ARB2A: variants seen among roughly 807,000 people sequenced by gnomAD.
The protein encoded by ARB2A is ARB2 cotranscriptional regulator A, also known as cotranscriptional regulator ARB2A.
At chr5:94,085,014 C>A in the ARB2A span, among the ~76,000 whole-genome samples, 6 of 152,022 alleles carry the variant, frequency 3.9e-5, no homozygotes, top group East Asian at 1.2e-3. Context: ...AGAAGTCCGA[C>A]AATACCAAAA....
the ARB2A span, among the ~76,000 whole-genome samples, chr5:93,929,445 G>GA: frequency 2.0e-5 from 3 of 152,014 alleles, no homozygotes; most frequent in Admixed American, 2.0e-4. Flanking sequence ...CAAGAGACTA[G>GA]AAAAAACAAG....
chr5:93,982,708 G>A, the ARB2A span, among the ~76,000 whole-genome samples: 8 of 152,106 alleles, frequency 5.3e-5, no homozygotes, highest in Admixed American at 2.0e-4. Flanking sequence ...GTATGATACC[G>A]TACTAAATAC....
the ARB2A span, chr5:94,055,999 G>T: frequency 1.3e-6 from 1 of 765,414 alleles, no homozygotes; most frequent in Non-Finnish European, 1.6e-6. Context: ...CTATGAAATA[G>T]TAACAAGTAT....
chr5:93,874,708 G>A, the ARB2A span, among the ~76,000 whole-genome samples: 9 of 152,118 alleles, frequency 5.9e-5, no homozygotes, highest in African/African-American at 1.9e-4. Context: ...GCTCCTCCAG[G>A]ACTTGTGACT....
At chr5:93,960,845 A>G in the ARB2A span, among the ~76,000 whole-genome samples, 26 of 152,316 alleles carry the variant, frequency 1.7e-4, no homozygotes, top group African/African-American at 6.0e-4. Flanking sequence ...ATGAAGTGTA[A>G]CACAATCATA....
the ARB2A span, among the ~76,000 whole-genome samples, chr5:93,689,848 T>C: frequency 2.6e-5 from 4 of 152,052 alleles, no homozygotes; most frequent in South Asian, 8.3e-4. Flanking sequence ...CATTTCCAAC[T>C]TTGGTACCCA....
chr5:93,995,209 A>G, the ARB2A span, among the ~76,000 whole-genome samples: 3 of 152,214 alleles, frequency 2.0e-5, no homozygotes, highest in African/African-American at 7.2e-5. Context: ...CAGTAAGCTC[A>G]CGTGTTGTGA....
chr5:93,971,401 C>A, the ARB2A span, among the ~76,000 whole-genome samples: 2 of 151,978 alleles, frequency 1.3e-5, no homozygotes, highest in South Asian at 4.2e-4. Context: ...AACCCTGTCT[C>A]TACTAAAAAT....
the ARB2A span, among the ~76,000 whole-genome samples, chr5:93,857,391 G>C: frequency 6.6e-6 from 1 of 152,172 alleles, no homozygotes; most frequent in Non-Finnish European, 1.5e-5. Context: ...CCCAGAGATG[G>C]AGCCTACAGA....
At chr5:93,944,158 A>G in the ARB2A span, among the ~76,000 whole-genome samples, 37 of 152,306 alleles carry the variant, frequency 2.4e-4, no homozygotes, top group African/African-American at 8.9e-4. Context: ...TTACTTTAAC[A>G]TTATTTGTTT....
chr5:94,103,345 CAA>C, the ARB2A span, among the ~76,000 whole-genome samples: 25 of 151,800 alleles, frequency 1.6e-4, no homozygotes, highest in Non-Finnish European at 7.4e-5. Context: ...AAACAGAAAA[CAA>C]AAAAGAGACA....
the ARB2A span, among the ~76,000 whole-genome samples, chr5:94,032,655 C>T: frequency 1.2e-4 from 19 of 152,194 alleles, no homozygotes; most frequent in Non-Finnish European, 8.8e-5. Context: ...GCGCTCCACC[C>T]AGCAAAGTCA....
chr5:93,646,423 G>A, the ARB2A span, among the ~76,000 whole-genome samples: 1 of 80,206 alleles, frequency 1.2e-5, no homozygotes, highest in Non-Finnish European at 2.5e-5. Context: ...GTAGACAGAT[G>A]CTTAATTACA....
the ARB2A span, among the ~76,000 whole-genome samples, chr5:93,986,002 C>T: frequency 6.7e-6 from 1 of 150,252 alleles, no homozygotes; most frequent in Non-Finnish European, 1.5e-5. Flanking sequence ...GGCCGCCTAT[C>T]GTCTGGGATG....
At chr5:94,063,422 C>CA in the ARB2A span, among the ~76,000 whole-genome samples, 3 of 152,154 alleles carry the variant, frequency 2.0e-5, no homozygotes, top group Non-Finnish European at 4.4e-5. Flanking sequence ...GCTCAGAACT[C>CA]AGAGGTTAGT....
At chr5:93,860,094 C>T in the ARB2A span, among the ~76,000 whole-genome samples, 7 of 151,902 alleles carry the variant, frequency 4.6e-5, no homozygotes, top group African/African-American at 7.3e-5. Context: ...GGAGTTTGAG[C>T]CCAGCCTGAC....
the ARB2A span, among the ~76,000 whole-genome samples, chr5:94,019,347 T>G: frequency 4.6e-5 from 7 of 151,358 alleles, no homozygotes; most frequent in Non-Finnish European, 1.0e-4. Flanking sequence ...TGCACAGCAA[T>G]AGAAACTGCA....
At chr5:93,958,839 G>C in the ARB2A span, 3 of 1,604,004 alleles carry the variant, frequency 1.9e-6, no homozygotes, top group African/African-American at 4.0e-5. Flanking sequence ...TTTATAATAA[G>C]TCTTCTAGCC....
the ARB2A span, chr5:93,776,137 A>T: frequency 6.4e-7 from 1 of 1,567,730 alleles, no homozygotes; most frequent in African/African-American, 1.4e-5. Context: ...CAGCAATCAT[A>T]TATCTCTCAT....
Sources: allele counts gnomAD v4.1 joint callset (sites outside exome capture counted in the v4.1 genomes callset), GRCh38; gene constraint gnomAD v4.1.1; transcripts MANE v1.5; gene names NCBI Gene and HGNC (gene_info 2026-07-23, HGNC 2026-07-21).